Variants in MAGI2 observed in about 807,000 individuals in gnomAD.
MAGI2 encodes the protein membrane associated guanylate kinase, WW and PDZ domain containing 2.
A neutral mutation model predicts 133.3 loss-of-function variants in MAGI2; 35 were observed. The ratio of observed to expected loss-of-function variants is 0.26; its 90% CI spans 0.20 to 0.35. The LOEUF (loss-of-function observed/expected upper bound fraction) is 0.35, where lower values mean the gene tolerates loss of function less well. Among genes scored for constraint, MAGI2 ranks in the 10% least tolerant of loss-of-function variants. MAGI2 has a pLI of 1.00. For missense variants in MAGI2, 1,636 were observed against 1,863.4 expected (o/e 0.88, Z 2.25); for synonymous variants, 729 against 710.6 (o/e 1.03, Z -0.41).
chr7:79,075,428 C>T (rs916173651), intron 1 of MAGI2, among the ~76,000 whole-genome samples: 1 of 152,042 alleles, frequency 6.6e-6, no homozygotes, highest in Non-Finnish European at 1.5e-5. Flanking sequence ...GTATCAGATT[C>T]CTCTGATTTA....
chr7:78,161,321 A>T (rs1584205639), intron 15 of MAGI2, among the ~76,000 whole-genome samples: 1 of 152,190 alleles, frequency 6.6e-6, no homozygotes, highest in East Asian at 1.9e-4. Context: ...ATACCTAGGT[A>T]TTGGCACTCT....
chr7:79,176,643 G>A (rs1826121448), intron 1 of MAGI2, among the ~76,000 whole-genome samples: 1 of 151,888 alleles, frequency 6.6e-6, no homozygotes, highest in Non-Finnish European at 1.5e-5. Flanking sequence ...CTAAAACCAA[G>A]CTCACCTTAG....
intron 20 of MAGI2, among the ~76,000 whole-genome samples, chr7:78,123,671 A>G (rs1820690189): frequency 6.6e-6 from 1 of 152,210 alleles, no homozygotes; most frequent in South Asian, 2.1e-4. Flanking sequence ...GATACTCACA[A>G]CGCTGCACAA....
At chr7:78,654,747 A>C (rs1225335317) in intron 2 of MAGI2, among the ~76,000 whole-genome samples, 3 of 82,422 alleles carry the variant, frequency 3.6e-5, no homozygotes, top group Non-Finnish European at 7.7e-5. Context: ...ATATATATAT[A>C]TAGCATATAT....
chr7:78,746,090 A>T (rs1304094265), intron 2 of MAGI2, among the ~76,000 whole-genome samples: 1 of 152,204 alleles, frequency 6.6e-6, no homozygotes, highest in African/African-American at 2.4e-5. Context: ...ATCTGTCGAA[A>T]CAATTCTGAA....
intron 1 of MAGI2, among the ~76,000 whole-genome samples, chr7:79,176,184 C>T (rs549413873): frequency 3.9e-5 from 6 of 152,060 alleles, no homozygotes; most frequent in Admixed American, 1.3e-4. Flanking sequence ...CATCATGATG[C>T]CCACTCGAAT....
At chr7:79,043,145 T>C (rs1421168558) in intron 1 of MAGI2, among the ~76,000 whole-genome samples, 2 of 151,698 alleles carry the variant, frequency 1.3e-5, no homozygotes, top group Non-Finnish European at 2.9e-5. Context: ...GATCTTAAAT[T>C]AACAGCCTAA....
intron 1 of MAGI2, among the ~76,000 whole-genome samples, chr7:79,446,851 C>G (rs1012294637): frequency 6.6e-6 from 1 of 152,112 alleles, no homozygotes; most frequent in Non-Finnish European, 1.5e-5. Flanking sequence ...ACTCAGGAGG[C>G]TGAGGCAGGA....
chr7:78,658,083 C>A (rs1259647087), intron 2 of MAGI2, among the ~76,000 whole-genome samples: 1 of 152,148 alleles, frequency 6.6e-6, no homozygotes, highest in East Asian at 1.9e-4. Context: ...TTAAATATTT[C>A]ATAGATTTCT....
chr7:78,229,122 C>T (rs2150867447), intron 10 of MAGI2, among the ~76,000 whole-genome samples: 1 of 152,306 alleles, frequency 6.6e-6, no homozygotes, highest in Non-Finnish European at 1.5e-5. Flanking sequence ...TATTCCCAAA[C>T]TCAAAAGAAA....
At chr7:78,237,808 C>T (rs1429973330) in intron 10 of MAGI2, among the ~76,000 whole-genome samples, 2 of 152,082 alleles carry the variant, frequency 1.3e-5, no homozygotes, top group Admixed American at 1.3e-4. Context: ...ATAGTACATG[C>T]AAATAAATGT....
At chr7:78,659,925 A>G (rs1470633789) in intron 2 of MAGI2, among the ~76,000 whole-genome samples, 2 of 152,174 alleles carry the variant, frequency 1.3e-5, no homozygotes, top group Admixed American at 6.5e-5. Context: ...TATTTTCACC[A>G]TGGAATACTA....
intron 2 of MAGI2, among the ~76,000 whole-genome samples, chr7:78,642,111 A>C (rs1810377554): frequency 6.6e-6 from 1 of 152,188 alleles, no homozygotes; most frequent in Non-Finnish European, 1.5e-5. Context: ...ATTACATATA[A>C]ATTTTACGCT....
At chr7:79,366,560 C>T (rs1478774661) in intron 1 of MAGI2, among the ~76,000 whole-genome samples, 4 of 151,946 alleles carry the variant, frequency 2.6e-5, no homozygotes, top group Non-Finnish European at 4.4e-5. Context: ...TAAATGATTC[C>T]AAATAGAACT....
At chr7:78,090,634 T>G (rs895282979) in intron 20 of MAGI2, among the ~76,000 whole-genome samples, 1 of 152,198 alleles carries the variant, frequency 6.6e-6, no homozygotes, top group Admixed American at 6.5e-5. Context: ...AAGGCAACCT[T>G]GAATTCTGAG....
At chr7:79,235,700 C>T (rs1831860736) in intron 1 of MAGI2, among the ~76,000 whole-genome samples, 1 of 152,190 alleles carries the variant, frequency 6.6e-6, no homozygotes, top group African/African-American at 2.4e-5. Flanking sequence ...GTCTGGCACT[C>T]CCTAGTGAGA....
intron 2 of MAGI2, among the ~76,000 whole-genome samples, chr7:78,793,938 C>A (rs1227694307): frequency 2.0e-5 from 3 of 152,112 alleles, no homozygotes. Context: ...GGTATTTAAA[C>A]AAAATATGCT....
intron 3 of MAGI2, among the ~76,000 whole-genome samples, chr7:78,586,771 TTCTG>T (rs1563206885): frequency 1.3e-5 from 2 of 152,194 alleles, no homozygotes; most frequent in African/African-American, 4.8e-5. Flanking sequence ...CCCTTCTATA[TTCTG>T]TCTATGAATC....
chr7:78,246,915 G>T (rs1393811985), intron 10 of MAGI2, among the ~76,000 whole-genome samples: 1 of 152,174 alleles, frequency 6.6e-6, no homozygotes. Context: ...AGCTCCTGGA[G>T]GTTGCCTCAG....
Sources: allele counts gnomAD v4.1 joint callset (sites outside exome capture counted in the v4.1 genomes callset), GRCh38; gene constraint gnomAD v4.1.1; transcripts MANE v1.5; gene names NCBI Gene and HGNC (gene_info 2026-07-23, HGNC 2026-07-21).